Variants in LDB2 observed in about 807,000 individuals in gnomAD.
LDB2 encodes LIM domain-binding protein 2.
A neutral mutation model predicts 44.3 loss-of-function variants in LDB2; 12 were observed. That is an observed-to-expected ratio of 0.27 (90% confidence interval 0.17 to 0.44). LDB2 has a LOEUF of 0.44. LDB2 is among the 20% of genes least tolerant of loss of function. LDB2 has a pLI of 1.00. For missense variants in LDB2, 344 were observed against 473.5 expected, an observed-to-expected ratio of 0.73 and a Z score of 2.54; for synonymous variants, 164 against 174.8, an observed-to-expected ratio of 0.94 and a Z score of 0.49.
At chr4:16,799,377 C>G (rs187461945) in intron 1 of LDB2, among the ~76,000 whole-genome samples, 52 of 152,312 alleles carry the variant, frequency 3.4e-4, no homozygotes, top group African/African-American at 1.2e-3. Context: ...AGAGATGGAA[C>G]TATTTTCTAG....
chr4:16,680,749 T>C (rs983305831), intron 2 of LDB2, among the ~76,000 whole-genome samples: 5 of 152,148 alleles, frequency 3.3e-5, no homozygotes, highest in Non-Finnish European at 7.4e-5. Flanking sequence ...CTGCACAGTA[T>C]ATAGAACTGG....
At chr4:16,766,504 GTATATA>G (rs869072776) in intron 1 of LDB2, among the ~76,000 whole-genome samples, 1 of 71,958 alleles carries the variant, frequency 1.4e-5, no homozygotes, top group African/African-American at 5.4e-5. Context: ...GTGTGTGTGT[GTATATA>G]TTTTTTTTTT....
intron 5 of LDB2, among the ~76,000 whole-genome samples, chr4:16,534,476 T>C (rs1301143174): frequency 3.3e-5 from 5 of 152,238 alleles, no homozygotes; most frequent in Admixed American, 6.5e-5. Context: ...GCGCGTGTTT[T>C]ATCATTGATG....
chr4:16,569,726 G>C (rs1402863927), intron 5 of LDB2, among the ~76,000 whole-genome samples: 4 of 152,084 alleles, frequency 2.6e-5, no homozygotes, highest in Admixed American at 2.0e-4. Flanking sequence ...CTCATTTGCA[G>C]CATGGTATTT....
intron 5 of LDB2, among the ~76,000 whole-genome samples, chr4:16,532,986 C>G (rs1730656488): frequency 6.6e-6 from 1 of 152,206 alleles, no homozygotes; most frequent in African/African-American, 2.4e-5. Context: ...AACTCAACAT[C>G]TCAATCAGCT....
intron 2 of LDB2, among the ~76,000 whole-genome samples, chr4:16,739,817 T>A (rs951145986): frequency 2.0e-5 from 3 of 147,680 alleles, no homozygotes; most frequent in African/African-American, 7.4e-5. Flanking sequence ...TTCATATTTT[T>A]AAAAATTATA....
At chr4:16,678,658 T>C (rs980294944) in intron 2 of LDB2, among the ~76,000 whole-genome samples, 3 of 152,204 alleles carry the variant, frequency 2.0e-5, no homozygotes, top group African/African-American at 7.2e-5. Flanking sequence ...GGTTTTATTC[T>C]CTCTTCTTTG....
chr4:16,780,568 G>T (rs2109452602), intron 1 of LDB2, among the ~76,000 whole-genome samples: 1 of 152,244 alleles, frequency 6.6e-6, no homozygotes, highest in Non-Finnish European at 1.5e-5. Context: ...GGCCACCAGA[G>T]GAGGTAACAT....
At chr4:16,597,219 C>T (rs1721227194) in intron 2 of LDB2, among the ~76,000 whole-genome samples, 2 of 152,022 alleles carry the variant, frequency 1.3e-5, no homozygotes, top group African/African-American at 4.8e-5. Flanking sequence ...TAAGGAATCC[C>T]CATATGGATG....
chr4:16,556,885 C>G (rs1226782380), intron 5 of LDB2, among the ~76,000 whole-genome samples: 1 of 152,116 alleles, frequency 6.6e-6, no homozygotes, highest in Non-Finnish European at 1.5e-5. Flanking sequence ...TTGGGGGAGG[C>G]AGATTCTAAA....
chr4:16,724,682 CT>C (rs1328251262), intron 2 of LDB2, among the ~76,000 whole-genome samples: 2 of 152,148 alleles, frequency 1.3e-5, no homozygotes, highest in African/African-American at 4.8e-5. Context: ...GTACCCTCAT[CT>C]CATTGATTAG....
chr4:16,558,473 AAATG>A (rs1740665207), intron 5 of LDB2, among the ~76,000 whole-genome samples: 1 of 152,230 alleles, frequency 6.6e-6, no homozygotes, highest in Non-Finnish European at 1.5e-5. Context: ...ATGGAAGACG[AAATG>A]AATGAAATGA....
intron 2 of LDB2, among the ~76,000 whole-genome samples, chr4:16,616,461 A>C (rs1390042038): frequency 6.6e-6 from 1 of 152,038 alleles, no homozygotes; most frequent in African/African-American, 2.4e-5. Flanking sequence ...ATTCCCAAGC[A>C]GAGGTGCTGA....
chr4:16,837,290 T>C (rs1785045581), intron 1 of LDB2, among the ~76,000 whole-genome samples: 1 of 152,206 alleles, frequency 6.6e-6, no homozygotes, highest in Non-Finnish European at 1.5e-5. Flanking sequence ...AACTACCATA[T>C]ATATTTAATG....
chr4:16,556,076 C>T (rs1017673760), intron 5 of LDB2, among the ~76,000 whole-genome samples: 4 of 152,220 alleles, frequency 2.6e-5, no homozygotes, highest in African/African-American at 9.6e-5. Flanking sequence ...CAACTATCAC[C>T]TTCTCAGAGA....
chr4:16,584,038 G>T (rs974156161), intron 5 of LDB2, among the ~76,000 whole-genome samples: 6 of 152,200 alleles, frequency 3.9e-5, no homozygotes, highest in African/African-American at 1.4e-4. Context: ...CGACGCACAA[G>T]TCAGGAAATA....
intron 1 of LDB2, among the ~76,000 whole-genome samples, chr4:16,789,813 T>C (rs1244954371): frequency 1.3e-5 from 2 of 152,134 alleles, no homozygotes; most frequent in African/African-American, 4.8e-5. Context: ...ACGCCTGTAG[T>C]CCCAGCTACT....
chr4:16,539,618 T>G (rs999587051), intron 5 of LDB2, among the ~76,000 whole-genome samples: 1 of 152,188 alleles, frequency 6.6e-6, no homozygotes, highest in Admixed American at 6.5e-5. Flanking sequence ...AAAAATAGTT[T>G]AGCTTCCAAG....
intron 1 of LDB2, among the ~76,000 whole-genome samples, chr4:16,889,854 TG>T (rs1390665482): frequency 6.6e-6 from 1 of 152,156 alleles, no homozygotes; most frequent in Admixed American, 6.5e-5. Context: ...AGAAAGTGAT[TG>T]GGGGTTAATT....
Sources: allele counts gnomAD v4.1 joint callset (sites outside exome capture counted in the v4.1 genomes callset), GRCh38; gene constraint gnomAD v4.1.1; transcripts MANE v1.5; gene names NCBI Gene and HGNC (gene_info 2026-07-23, HGNC 2026-07-21).